Variants in KIF13B observed in about 807,000 individuals in gnomAD.
KIF13B encodes the protein kinesin family member 13B.
KIF13B carries 127 observed loss-of-function variants against 222.0 expected under a neutral mutation model. The ratio of observed to expected loss-of-function variants is 0.57; its 90% CI spans 0.50 to 0.66. The LOEUF (loss-of-function observed/expected upper bound fraction) is 0.66, where lower values mean the gene tolerates loss of function less well. KIF13B is among the 30% of genes least tolerant of loss of function. The pLI is 0.00. For synonymous variants in KIF13B, 976 were observed against 919.0 expected, an observed-to-expected ratio of 1.06 and a Z score of -1.12; for missense variants, 2,173 against 2,379.0, an observed-to-expected ratio of 0.91 and a Z score of 1.80.
At chr8:29,169,586 AAACAT>A (rs1407419401) in intron 10 of KIF13B, among the ~76,000 whole-genome samples, 18 of 152,258 alleles carry the variant, frequency 1.2e-4, no homozygotes, top group African/African-American at 3.9e-4. Context: ...TTTCCACAGA[AAACAT>A]AATTATATTG....
At chr8:29,091,692 A>C (rs2133545933) in intron 37 of KIF13B, among the ~76,000 whole-genome samples, 1 of 152,280 alleles carries the variant, frequency 6.6e-6, no homozygotes, top group East Asian at 1.9e-4. Flanking sequence ...ATCTCTGGGG[A>C]AAAAAAGCAC....
chr8:29,136,570 C>T (rs867126283), intron 21 of KIF13B, among the ~76,000 whole-genome samples: 2 of 48,884 alleles, frequency 4.1e-5, no homozygotes, highest in Non-Finnish European at 1.1e-4. Context: ...GCAACAAGAG[C>T]GAAACTCCGC....
At chr8:29,260,903 C>T (rs1816657258) in intron 1 of KIF13B, among the ~76,000 whole-genome samples, 1 of 152,174 alleles carries the variant, frequency 6.6e-6, no homozygotes, top group South Asian at 2.1e-4. Context: ...TAAGCGTAAG[C>T]CACCGTGCCT....
At chr8:29,134,595 T>C (rs563380785) in intron 21 of KIF13B, among the ~76,000 whole-genome samples, 10 of 152,162 alleles carry the variant, frequency 6.6e-5, no homozygotes, top group Non-Finnish European at 1.0e-4. Flanking sequence ...CAGAACAAGG[T>C]TGTCAGGCAT....
chr8:29,079,227 C>A (rs534547123), intron 37 of KIF13B, among the ~76,000 whole-genome samples: 1 of 152,184 alleles, frequency 6.6e-6, no homozygotes. Flanking sequence ...ACTCCGCCCC[C>A]GTGGAATCGT....
In KIF13B at chr8:29,228,472, A is replaced by AAAAAAATATATAT; in HGVS notation, c.149+16873_149+16874insATATATATTTTTT. ...ACAGAGCCAGACTCCATCTTAAAAA[A>AAAAAAATATATAT]ATATATATATATATATATGAGATAC... On this transcript the variant is annotated intron_variant, in intron 2 of 39. Transcript: ENST00000524189. Among the ~76,000 whole-genome samples, 22 of 117,086 alleles carry AAAAAAATATATAT rather than the reference A, an allele frequency of 1.9e-4. 2 individuals are homozygous for AAAAAAATATATAT. Among genetic ancestry groups the AAAAAAATATATAT allele is most frequent in the South Asian group, 2.9e-4 (1 of 3,508 alleles). The allele number at this position is 117,086 out of a possible 152,430, so 76.8% of individuals were successfully genotyped here. A position where few individuals can be genotyped will look rare whatever the true frequency, so the allele number is the denominator to read the frequency against.
At chr8:29,162,481 C>CA (rs1417730509) in intron 12 of KIF13B, among the ~76,000 whole-genome samples, 2 of 152,198 alleles carry the variant, frequency 1.3e-5, no homozygotes, top group African/African-American at 4.8e-5. Flanking sequence ...TGCTAACCAT[C>CA]AGAGTTTTCT....
rs899522184 is a variant in KIF13B, at chr8:29,109,941, G to A, written c.4060C>T (p.Leu1354=). Residue 1354 remains leucine, a synonymous_variant, in exon 33 of 40, where the codon CTG becomes TTG. Transcript: ENST00000524189. The part of the protein sequence containing the change: ...LRSVLAVENL[L]TLDRLRQEVA... ...ACCTGGCGCAGACGATCTAAAGTCA[G>A]GAGGTTTTCTACAGCCAGCACGCTC... The A allele has an allele frequency of 1.4e-5, 23 of 1,613,528 alleles. No homozygotes were observed. The highest frequency in any genetic ancestry group is 1.9e-5 in the Non-Finnish European group (22 of 1,179,794).
chr8:29,233,604 A>C (rs113416377), intron 2 of KIF13B, among the ~76,000 whole-genome samples: 1 of 152,124 alleles, frequency 6.6e-6, no homozygotes, highest in Non-Finnish European at 1.5e-5. Flanking sequence ...ACCCCTTTAC[A>C]CTCTTAAATA....
chr8:29,239,955 G>A (rs929256806), intron 2 of KIF13B, among the ~76,000 whole-genome samples: 5 of 150,234 alleles, frequency 3.3e-5, no homozygotes, highest in African/African-American at 9.8e-5. Context: ...GAGCCACTGC[G>A]CCTGGCCGCA....
intron 13 of KIF13B, 81 bp downstream of exon 13, chr8:29,160,652 G>T: frequency 1.5e-6 from 2 of 1,322,452 alleles, no homozygotes; most frequent in Middle Eastern, 1.9e-4. Flanking sequence ...GAGTAAGCAT[G>T]GTTCCCCAAG....
chr8:29,128,508 T>C (rs1229843959), intron 24 of KIF13B, among the ~76,000 whole-genome samples: 1 of 152,190 alleles, frequency 6.6e-6, no homozygotes, highest in East Asian at 1.9e-4. Flanking sequence ...GCCTCAGATA[T>C]TTTGTGGGAA....
chr8:29,196,485 T>C (rs1408980730), intron 2 of KIF13B, among the ~76,000 whole-genome samples: 1 of 152,192 alleles, frequency 6.6e-6, no homozygotes, highest in East Asian at 1.9e-4. Flanking sequence ...TTCTGCCTTA[T>C]AGATTTTGCT....
In KIF13B at chr8:29,092,151, G is replaced by C. The variant is rs1024018287; in HGVS notation, c.4458+594C>G. ...TCTGCTGAGTTAACACCTATATAAC[G>C]CTGGAAATTGCATTTCCAATGGGGT... On this transcript the variant is annotated intron_variant, in intron 37 of 39. Coordinates refer to ENST00000524189, the MANE Select transcript of KIF13B (RefSeq NM_015254.4). 4.6e-5 allele frequency among the ~76,000 whole-genome samples: 7 copies of C among 152,318 alleles called. No homozygotes were observed. The East Asian group carries it at 1.2e-3, about 25-fold the overall frequency.
chr8:29,071,714 G>A lies in KIF13B; in HGVS notation c.5124C>T (p.Thr1708=), dbSNP rs779465617. 5 of 1,550,366 alleles carry A rather than the reference G, an allele frequency of 3.2e-6. No individual in the cohort carries two copies. Among genetic ancestry groups the A allele is most frequent in the South Asian group, 1.2e-5 (1 of 84,076 alleles). Residue 1708 remains threonine, a synonymous_variant, in exon 39 of 40, where the codon ACC becomes ACT. Transcript: ENST00000524189. The surrounding 1 kb of genome is among the most constrained non-coding windows in gnomAD (Gnocchi z 4.9). Reference sequence around the variant, plus strand: ...CCACGCCCGTTTTGTGGGCGCCCACGGTGACGAACTCGCCCTCTCGGAGCC... The same window carrying A: ...CCACGCCCGTTTTGTGGGCGCCCACAGTGACGAACTCGCCCTCTCGGAGCC... ...PEWLREGEFV[T]VGAHKTGVVR...
intron 6 of KIF13B, among the ~76,000 whole-genome samples, chr8:29,184,724 A>G (rs1812857951): frequency 6.6e-6 from 1 of 152,210 alleles, no homozygotes. Context: ...GATGCCATAC[A>G]AGCACTCTGG....
At chr8:29,175,542 A>C (rs1279515021) in intron 10 of KIF13B, among the ~76,000 whole-genome samples, 1 of 152,238 alleles carries the variant, frequency 6.6e-6, no homozygotes, top group Non-Finnish European at 1.5e-5. Context: ...TGAATGAATG[A>C]ATGACTGTGT....
intron 9 of KIF13B, among the ~76,000 whole-genome samples, chr8:29,177,155 T>C (rs551186895): frequency 2.6e-5 from 4 of 152,086 alleles, no homozygotes; most frequent in African/African-American, 9.6e-5. Context: ...AGGCGGCAGC[T>C]ACTATCGCCA....
chr8:29,118,161 A>T (rs1267779488), intron 30 of KIF13B, among the ~76,000 whole-genome samples: 1 of 146,788 alleles, frequency 6.8e-6, no homozygotes, highest in East Asian at 2.0e-4. Context: ...CCATCTCAAT[A>T]AAAAAAAAAT....
Sources: gnomAD v4.1 joint callset for allele counts (sites outside exome capture counted in the v4.1 genomes callset) on GRCh38, gnomAD v4.1.1 for gene constraint, Gnocchi (gnomAD v3.1) non-coding constraint, MANE v1.5 for transcripts, NCBI Gene and HGNC (gene_info 2026-07-23, HGNC 2026-07-21) for gene names.